NXF3: variants seen among roughly 807,000 people sequenced by gnomAD.
The protein encoded by NXF3 is nuclear RNA export factor 3, also known as TAP-like protein 3.
NXF3 carries 34 observed loss-of-function variants against 48.4 expected under a neutral mutation model. The observed-to-expected ratio is 0.70, with a 90% CI of 0.53 to 0.93. The LOEUF (loss-of-function observed/expected upper bound fraction) is 0.93, where lower values mean the gene tolerates loss of function less well. Ranked by LOEUF, NXF3 falls within the 40% of genes least tolerant of loss-of-function variation. The pLI, the probability that NXF3 is intolerant of heterozygous loss-of-function variation, is 0.00. For synonymous variants in NXF3, 132 were observed against 145.7 expected (o/e 0.91, Z 0.68); for missense variants, 359 against 406.1 (o/e 0.88, Z 1.00).
chrX:103,078,483 G>A (rs1303327744), intron 17 of NXF3, 77 bp downstream of exon 17: 8 of 1,184,604 alleles, frequency 6.8e-6, no homozygotes, highest in African/African-American at 1.8e-5. Context: ...AGAACACCCC[G>A]AGGACTGCAC....
At chrX:103,087,698 T>C in intron 1 of NXF3, 1 of 1,047,014 alleles carries the variant, frequency 9.6e-7, no homozygotes, top group African/African-American at 1.8e-5. Flanking sequence ...TGGCAAGATG[T>C]TTCCATCACA....
At chrX:103,082,068 G>A in intron 9 of NXF3, 187 bp downstream of exon 9, 1 of 448,882 alleles carries the variant, frequency 2.2e-6, no homozygotes, top group Non-Finnish European at 4.0e-6. Flanking sequence ...GTGAAAAGGG[G>A]ACCATGTCAG....
At chrX:103,077,068 T>C (rs958397857) in intron 18 of NXF3, among the ~76,000 whole-genome samples, 1 of 110,800 alleles carries the variant, frequency 9.0e-6, no homozygotes, top group Non-Finnish European at 1.9e-5. Flanking sequence ...AGAAGTACTG[T>C]ACACCTGTTC....
rs112631892 is a variant in NXF3, at chrX:103,076,087, C to T, written c.*50-87G>A. 1.4e-4 allele frequency: 63 copies of T among 437,261 alleles called. 2 individuals carry two copies. The highest frequency in any genetic ancestry group is 7.6e-4 in the African/African-American group (31 of 40,742). 36.0% of individuals were successfully genotyped at this position (437,261 alleles called of 1,213,427 possible). On this transcript the variant is annotated intron_variant, in intron 19 of 19. Coordinates refer to ENST00000395065, the MANE Select transcript of NXF3 (RefSeq NM_022052.2). ...CTCTTAGGGCTTTGTTTTCAGGATCCTAGGTCAGTCTGTGTGAGGGCCTTC... is the reference window on the plus strand; with the variant it reads ...CTCTTAGGGCTTTGTTTTCAGGATCTTAGGTCAGTCTGTGTGAGGGCCTTC...
chrX:103,087,046 G>A (rs1922174828), intron 1 of NXF3, among the ~76,000 whole-genome samples: 1 of 112,133 alleles, frequency 8.9e-6, no homozygotes, highest in Non-Finnish European at 1.9e-5. Context: ...TTCCGCTAAG[G>A]TCTTTCATTT....
intron 8 of NXF3, 115 bp downstream of exon 8, chrX:103,082,645 A>C: frequency 1.6e-6 from 1 of 606,978 alleles, no homozygotes; most frequent in Non-Finnish European, 2.7e-6. Context: ...ATGGGGAGGA[A>C]TGAATTAAGA....
intron 1 of NXF3, chrX:103,088,403 G>A: frequency 1.7e-6 from 1 of 589,002 alleles, no homozygotes. Flanking sequence ...AAAAAACATT[G>A]ACTTTGCGAT....
chrX:103,088,207 T>C (rs1922199024), intron 1 of NXF3: 13 of 905,955 alleles, frequency 1.4e-5, no homozygotes, highest in Non-Finnish European at 1.7e-5. Flanking sequence ...AAAAAAAATA[T>C]TGGCCAAGCT....
Position 103,079,636 on chromosome X carries a change from G to A in NXF3, c.1167C>T (p.Ser389=), listed in dbSNP as rs749586638. ...PFNPEDSAPS[S]FCKFFKDSRN... ...TGCTATCCTTGAAGAACTTGCAGAA[G>A]CTGCTCCTAGAAGAAAAAGAGGAGC... The change falls in exon 14 of 20, where the codon AGC becomes AGT. Residue 389 remains serine, a synonymous_variant. Transcript: ENST00000395065. 8.3e-7 allele frequency: 1 copy of A among 1,210,409 alleles called. No individual in the cohort carries two copies. Among genetic ancestry groups the A allele is most frequent in the East Asian group, 3.0e-5 (1 of 33,821 alleles).
intron 3 of NXF3, 119 bp downstream of exon 3, chrX:103,084,223 A>T: frequency 1.2e-6 from 1 of 842,565 alleles, no homozygotes; most frequent in Non-Finnish European, 1.7e-6. Flanking sequence ...ACTCCTAGTA[A>T]TAAAGGACAG....
chrX:103,079,331 C>T, intron 15 of NXF3, 28 bp downstream of exon 15: 1 of 1,208,245 alleles, frequency 8.3e-7, no homozygotes. Context: ...CTTTCTGGGC[C>T]TGCCCAAGGG....
intron 1 of NXF3, among the ~76,000 whole-genome samples, chrX:103,085,527 G>A (rs1207189549): frequency 2.7e-5 from 3 of 112,114 alleles, no homozygotes; most frequent in Admixed American, 1.9e-4. Context: ...AAACATTGCT[G>A]AAGAAAATAT....
intron 1 of NXF3, among the ~76,000 whole-genome samples, chrX:103,091,030 T>C (rs1922259606): frequency 8.9e-6 from 1 of 112,249 alleles, no homozygotes; most frequent in Non-Finnish European, 1.9e-5. Flanking sequence ...TGTTCAAGGT[T>C]TTCTCCTTAT....
intron 6 of NXF3, 49 bp downstream of exon 6, chrX:103,083,144 A>G (rs946381742): frequency 5.0e-6 from 6 of 1,190,860 alleles, no homozygotes; most frequent in Admixed American, 2.2e-5. Context: ...GTGGGGAAGA[A>G]GCAGTGGGTC....
At position 103,082,343 on chromosome X, in the gene NXF3, C is replaced by T. The variant is rs745632328; in HGVS notation, c.802G>A (p.Asp268Asn). 8.3e-7 allele frequency: 1 copy of T among 1,202,363 alleles called. No homozygotes were observed. Among genetic ancestry groups the T allele is most frequent in the African/African-American group, 1.8e-5 (1 of 56,762 alleles). Residue 268 changes from aspartate (D) to asparagine (N), a missense_variant, in exon 9 of 20, where the codon GAC (aspartate) becomes AAC (asparagine). Coordinates refer to ENST00000395065, the MANE Select transcript of NXF3 (RefSeq NM_022052.2). ...CCTGGCTCTATCCCTTTCCACTTGT[C>T]CATCTCCCCTGCAGACATCACCTGC... ...IPTVMSAGEM[D>N]KWKGIEPGEK...
intron 16 of NXF3, 45 bp from the exon 17 acceptor site, chrX:103,078,677 T>G: frequency 8.3e-7 from 1 of 1,208,521 alleles, no homozygotes; most frequent in South Asian, 1.8e-5. Flanking sequence ...GCACAGGCTT[T>G]ACGTGCTCAC....
chrX:103,081,901 G>A (rs1174250828), intron 9 of NXF3, among the ~76,000 whole-genome samples: 2 of 111,520 alleles, frequency 1.8e-5, no homozygotes, highest in African/African-American at 6.5e-5. Flanking sequence ...CTCAGCATGA[G>A]GCCCTGGACT....
At position 103,082,846 on chromosome X, in the gene NXF3, T is replaced by C; in HGVS notation, c.694A>G (p.Met232Val). ...DIQRLPFYPD[M>V]VNRDTKMASN... ...GCCATCTTAGTATCACGGTTCACCA[T>C]GTCTCCAGAAAGCAGAGAGGAGAAA... Residue 232 changes from methionine (M) to valine (V), a missense_variant and splice_region_variant, in exon 8 of 20, where the codon ATG (methionine) becomes GTG (valine). By Grantham distance (21) the Met-to-Val change is conservative. Coordinates refer to ENST00000395065, the MANE Select transcript of NXF3 (RefSeq NM_022052.2). 8.3e-7 allele frequency: 1 copy of C among 1,207,583 alleles called. No individual in the cohort carries two copies.
At position 103,080,071 on chromosome X, in the gene NXF3, G is replaced by A; in HGVS notation, c.997-3C>T. The stretch of plus-strand genomic sequence containing the variant: ...ATCTCAGATCCAAAGAAGCTTCCCT[G>A]GAATAAAGAGTCCCCAGGACCACAG... On this transcript the variant is annotated splice_region_variant and splice_polypyrimidine_tract_variant and intron_variant, in intron 11 of 19. Transcript: ENST00000395065. The A allele has an allele frequency of 1.7e-6, 2 of 1,210,766 alleles. No homozygotes were observed. The highest frequency in any genetic ancestry group is 2.2e-6 in the Non-Finnish European group (2 of 894,932).
Sources: allele counts gnomAD v4.1 joint callset (sites outside exome capture counted in the v4.1 genomes callset), GRCh38; gene constraint gnomAD v4.1.1; transcripts MANE v1.5; gene names NCBI Gene and HGNC (gene_info 2026-07-23, HGNC 2026-07-21).